Variants in MLIP observed in about 807,000 individuals in gnomAD.
MLIP encodes muscular LMNA interacting protein, also known as muscular LMNA-interacting protein.
A neutral mutation model predicts 84.8 loss-of-function variants in MLIP; 79 were observed. The observed-to-expected ratio is 0.93, with a 90% CI of 0.78 to 1.12. MLIP has a LOEUF of 1.12. MLIP is among the 50% of genes most tolerant of loss of function. The pLI is 0.00. For synonymous variants in MLIP, 504 were observed against 463.0 expected, an observed-to-expected ratio of 1.09 and a Z score of -1.14; for missense variants, 1,257 against 1,160.6, an observed-to-expected ratio of 1.08 and a Z score of -1.21.
chr6:54,239,230 C>G (rs12111512), intron 12 of MLIP, among the ~76,000 whole-genome samples: 1 of 151,744 alleles, frequency 6.6e-6, no homozygotes, highest in African/African-American at 2.4e-5. Flanking sequence ...CACTCTCACT[C>G]GCAGACCCCA....
chr6:54,138,181 ACCTGTTTCAAC>A lies in MLIP; in HGVS notation c.2115_2125del (p.Val706IlefsTer27). On this transcript the variant is annotated frameshift_variant, in exon 4 of 14. Coordinates refer to ENST00000502396, the MANE Select transcript of MLIP (RefSeq NM_001281747.2). LOFTEE classifies it high-confidence loss of function. Reference sequence around the variant, plus strand: ...AAAGCACCACCCCCAACCACAGGTCACCTGTTTCAACCCCATCACTTCCCATATCTCTAACA... The same window carrying A: ...AAAGCACCACCCCCAACCACAGGTCACCCATCACTTCCCATATCTCTAACA... The A allele has an allele frequency of 6.5e-7, 1 of 1,536,094 alleles. No homozygotes were observed. Among genetic ancestry groups the A allele is most frequent in the Non-Finnish European group, 8.7e-7 (1 of 1,146,886 alleles).
chr6:54,225,713 A>G (rs574483243), intron 11 of MLIP, among the ~76,000 whole-genome samples: 40 of 152,284 alleles, frequency 2.6e-4, no homozygotes, highest in Admixed American at 3.9e-4. Flanking sequence ...ATGCAAGGGG[A>G]AAAGAATGTA....
intron 1 of MLIP, among the ~76,000 whole-genome samples, chr6:54,063,833 G>T (rs546702626): frequency 6.6e-6 from 1 of 152,166 alleles, no homozygotes; most frequent in African/African-American, 2.4e-5. Flanking sequence ...TGTCCTTAGA[G>T]AATTCATTGT....
intron 1 of MLIP, among the ~76,000 whole-genome samples, chr6:54,070,233 T>TTTTG (rs1428250081): frequency 6.6e-6 from 1 of 152,162 alleles, no homozygotes; most frequent in Non-Finnish European, 1.5e-5. Flanking sequence ...CACTCATCAT[T>TTTTG]TTTGTTATTC....
chr6:54,028,180 T>C (rs1353256777), intron 1 of MLIP, among the ~76,000 whole-genome samples: 3 of 152,220 alleles, frequency 2.0e-5, no homozygotes, highest in South Asian at 2.1e-4. Context: ...TCTTTTGTTA[T>C]TATTTATAAC....
chr6:54,124,351 T>C (rs1027689626), intron 2 of MLIP, 122 bp from the exon 3 acceptor site: 5 of 942,568 alleles, frequency 5.3e-6, no homozygotes, highest in African/African-American at 1.7e-5. Context: ...CTCTTTCTTA[T>C]GTCAACCTAA....
At chr6:54,121,708 G>C in intron 2 of MLIP, 106 bp downstream of exon 2, 2 of 808,916 alleles carry the variant, frequency 2.5e-6, no homozygotes, top group Non-Finnish European at 3.7e-6. Flanking sequence ...TAAGGTGACT[G>C]TGACTCTAAG....
rs1433546987 is a variant in MLIP at position 54,191,060 on chromosome 6, G to A, written c.2589+1146G>A. On this transcript the variant is annotated intron_variant, in intron 10 of 13. Coordinates refer to ENST00000502396, the MANE Select transcript of MLIP (RefSeq NM_001281747.2). ...TCCACCCGCCTCGACCTCCCAAAGT[G>A]CTGGGATTACAGGTGTGAGCCATCG... Among the ~76,000 whole-genome samples the A allele has an allele frequency of 3.3e-5, 5 of 152,108 alleles. No individual in the cohort carries two copies. The East Asian group carries it at 9.7e-4, about 29-fold the overall frequency.
intron 12 of MLIP, among the ~76,000 whole-genome samples, chr6:54,249,200 A>C (rs1001642026): frequency 5.3e-5 from 8 of 151,994 alleles, no homozygotes; most frequent in Non-Finnish European, 1.2e-4. Context: ...TATCCAAGTA[A>C]AAGAGGAACT....
Position 54,188,010 on chromosome 6 carries a change from T to TA in MLIP, c.2545-1853dup, listed in dbSNP as rs568255858. Among the ~76,000 whole-genome samples, 964 of 152,096 alleles carry TA rather than the reference T, an allele frequency of 6.3e-3. 7 individuals are homozygous for TA. The highest frequency in any genetic ancestry group is 8.2e-3 in the Non-Finnish European group (555 of 67,974). On this transcript the variant is annotated intron_variant, in intron 9 of 13. Transcript: ENST00000502396. ...GACAGAGGGAGACTCCGTCTCAAAT[T>TA]AAAAAAATGTATATACATTAACCTA...
intron 3 of MLIP, among the ~76,000 whole-genome samples, chr6:54,128,107 T>A (rs1271023747): frequency 3.3e-5 from 5 of 152,198 alleles, no homozygotes; most frequent in African/African-American, 1.2e-4. Flanking sequence ...TGAAGTTTAT[T>A]ACCTCATTGG....
At chr6:54,189,242 A>T (rs1250991518) in intron 9 of MLIP, among the ~76,000 whole-genome samples, 1 of 152,254 alleles carries the variant, frequency 6.6e-6, no homozygotes, top group East Asian at 1.9e-4. Context: ...ACATGTTCAA[A>T]TTACAGATTT....
chr6:54,137,405 T>C lies in MLIP; in HGVS notation c.1336T>C (p.Ser446Pro). ...CPTFSLNSPA[S>P]STLTLDQKEK... is the part of the protein sequence containing the mutation. The stretch of plus-strand genomic sequence containing the variant: ...CACCTTCTCTCTCAACTCCCCGGCC[T>C]CTTCCACGCTCACACTTGACCAAAA... The change falls in exon 4 of 14, where the codon TCT becomes CCT. Residue 446 changes from serine to proline, a missense_variant. Physicochemically the swap from Ser to Pro is moderately conservative, Grantham distance 74. Coordinates refer to ENST00000502396, the MANE Select transcript of MLIP (RefSeq NM_001281747.2). The C allele has an allele frequency of 6.5e-7, 1 of 1,535,990 alleles. No individual in the cohort carries two copies. Among genetic ancestry groups the C allele is most frequent in the Non-Finnish European group, 8.7e-7 (1 of 1,146,852 alleles).
intron 3 of MLIP, among the ~76,000 whole-genome samples, chr6:54,125,445 C>G (rs1196920533): frequency 6.6e-6 from 1 of 152,110 alleles, no homozygotes; most frequent in Non-Finnish European, 1.5e-5. Flanking sequence ...GGAAAATATA[C>G]CACCCCAAAA....
At chr6:54,075,533 C>T (rs769477269) in intron 1 of MLIP, among the ~76,000 whole-genome samples, 1 of 152,144 alleles carries the variant, frequency 6.6e-6, no homozygotes, top group East Asian at 1.9e-4. Context: ...ACCAACGTTG[C>T]CTAGCACATG....
chr6:54,182,479 T>C (rs1351738535), intron 9 of MLIP, among the ~76,000 whole-genome samples: 2 of 152,216 alleles, frequency 1.3e-5, no homozygotes, highest in Non-Finnish European at 2.9e-5. Context: ...CTAGGTACTA[T>C]GATTGCTCAC....
chr6:54,096,718 C>G (rs754824619), intron 1 of MLIP, among the ~76,000 whole-genome samples: 2 of 152,212 alleles, frequency 1.3e-5, no homozygotes, highest in Non-Finnish European at 2.9e-5. Flanking sequence ...ACCAGCTGCT[C>G]TCTCATAAAT....
At chr6:54,189,110 C>A (rs1009845229) in intron 9 of MLIP, among the ~76,000 whole-genome samples, 1 of 152,046 alleles carries the variant, frequency 6.6e-6, no homozygotes, top group African/African-American at 2.4e-5. Context: ...AACTAGGGAG[C>A]AGGGGGAAAT....
intron 12 of MLIP, among the ~76,000 whole-genome samples, chr6:54,256,546 G>A (rs1016843416): frequency 1.3e-5 from 2 of 152,072 alleles, no homozygotes; most frequent in Non-Finnish European, 2.9e-5. Flanking sequence ...TACCAAAAAA[G>A]GGTAAACAGA....
Sources: allele counts gnomAD v4.1 joint callset (sites outside exome capture counted in the v4.1 genomes callset), GRCh38; gene constraint gnomAD v4.1.1; transcripts MANE v1.5; gene names NCBI Gene and HGNC (gene_info 2026-07-23, HGNC 2026-07-21).